MAGI1: variants seen among roughly 807,000 people sequenced by gnomAD.
The protein encoded by MAGI1 is membrane-associated guanylate kinase, WW and PDZ domain-containing protein 1.
In MAGI1, 58 loss-of-function variants were observed where a neutral mutation model predicts 139.9. The observed-to-expected ratio is 0.41, with a 90% CI of 0.34 to 0.52. MAGI1 has a LOEUF of 0.52. Among genes scored for constraint, MAGI1 ranks in the 20% least tolerant of loss-of-function variants. MAGI1 has a pLI of 0.12. For missense variants in MAGI1, 1,874 were observed against 1,901.6 expected (o/e 0.99, Z 0.27); for synonymous variants, 812 against 737.9 (o/e 1.10, Z -1.63).
At chr3:65,801,383 G>T (rs1267554636) in intron 1 of MAGI1, among the ~76,000 whole-genome samples, 1 of 152,220 alleles carries the variant, frequency 6.6e-6, no homozygotes, top group Non-Finnish European at 1.5e-5. Context: ...AGGTCTTGAA[G>T]TCAGATGCAA....
chr3:65,950,967 G>A lies in MAGI1; in HGVS notation c.313+87029C>T, dbSNP rs759805208. On this transcript the variant is annotated intron_variant, in intron 1 of 22. Transcript: ENST00000402939. ...AGTTGGTGAGAAGAAAGAGAAGGAA[G>A]GAAGGAAGGAAGGAAGGAAGGAAGG... Among the ~76,000 whole-genome samples, 8 of 5,142 alleles carry A rather than the reference G, an allele frequency of 1.6e-3. No homozygotes were observed. The East Asian group carries it at 0.2, about 129-fold the overall frequency. The allele number at this position is 5,142 out of a possible 152,430, so 3.4% of individuals were successfully genotyped here. A position where few individuals can be genotyped will look rare whatever the true frequency, so the allele number is the denominator to read the frequency against.
intron 2 of MAGI1, among the ~76,000 whole-genome samples, chr3:65,530,810 C>CACGTATAT (rs2078667074): frequency 2.2e-5 from 2 of 92,108 alleles, no homozygotes; most frequent in East Asian, 6.3e-4. Context: ...TATATACACA[C>CACGTATAT]ATATATATAC....
chr3:65,983,025 T>C (rs2065669966), intron 1 of MAGI1, among the ~76,000 whole-genome samples: 1 of 152,188 alleles, frequency 6.6e-6, no homozygotes, highest in Non-Finnish European at 1.5e-5. Context: ...GCTCAAGGGA[T>C]CCTTCTGCAG....
At chr3:65,480,571 TA>T (rs1951213318) in intron 3 of MAGI1, among the ~76,000 whole-genome samples, 1 of 145,816 alleles carries the variant, frequency 6.9e-6, no homozygotes, top group African/African-American at 2.5e-5. Context: ...GCTTTATTCT[TA>T]TAAATAAGGT....
intron 1 of MAGI1, among the ~76,000 whole-genome samples, chr3:65,871,010 T>A (rs1213639242): frequency 6.6e-6 from 1 of 152,026 alleles, no homozygotes; most frequent in Non-Finnish European, 1.5e-5. Flanking sequence ...GCGATCACAG[T>A]TCACTGCAAC....
intron 1 of MAGI1, among the ~76,000 whole-genome samples, chr3:65,958,091 G>A (rs2064226984): frequency 6.6e-6 from 1 of 152,064 alleles, no homozygotes; most frequent in Non-Finnish European, 1.5e-5. Flanking sequence ...AACCCATATG[G>A]ACTGACTTTG....
chr3:65,989,242 T>C (rs114521710), intron 1 of MAGI1, among the ~76,000 whole-genome samples: 2 of 152,248 alleles, frequency 1.3e-5, no homozygotes, highest in Admixed American at 6.5e-5. Context: ...TTCAAACAGG[T>C]AGAGAGTGAA....
intron 17 of MAGI1, among the ~76,000 whole-genome samples, chr3:65,376,286 G>A (rs2888203): frequency 0.035 from 5,376 of 152,218 alleles, 548 homozygotes; most frequent in East Asian, 0.31. Flanking sequence ...CTGGCTGTTC[G>A]CTTATTTTGG....
intron 1 of MAGI1, among the ~76,000 whole-genome samples, chr3:65,710,563 C>A (rs2031249159): frequency 6.6e-6 from 1 of 152,122 alleles, no homozygotes; most frequent in Non-Finnish European, 1.5e-5. Flanking sequence ...AGGCGTGAGC[C>A]ACCGTGCCCA....
rs1940172187 is a variant in MAGI1 at position 65,355,879 on chromosome 3, C to A, written c.*499G>T. On this transcript the variant is annotated 3_prime_UTR_variant, in exon 23 of 23. Transcript: ENST00000402939. ...AACCTAATCCATCCCCAAGGGTCCT[C>A]AGCTTTTACAAATAAAACTTTGCAT... 6.5e-6 allele frequency: 1 copy of A among 152,790 alleles called. No individual in the cohort carries two copies. Among genetic ancestry groups the A allele is most frequent in the African/African-American group, 2.4e-5 (1 of 41,456 alleles). The allele number at this position is 152,790 out of a possible 1,614,324, so 9.5% of individuals were successfully genotyped here.
At chr3:65,376,668 T>A (rs1298908300) in intron 17 of MAGI1, among the ~76,000 whole-genome samples, 1 of 152,220 alleles carries the variant, frequency 6.6e-6, no homozygotes, top group Non-Finnish European at 1.5e-5. Flanking sequence ...GACTGGTTCA[T>A]TAGCTCTGAA....
At chr3:65,982,643 T>C (rs562576440) in intron 1 of MAGI1, among the ~76,000 whole-genome samples, 113 of 152,320 alleles carry the variant, frequency 7.4e-4, no homozygotes, top group African/African-American at 2.3e-3. Flanking sequence ...AAATATTAAT[T>C]ATCAGTGTCT....
intron 1 of MAGI1, among the ~76,000 whole-genome samples, chr3:65,864,221 A>G (rs924022): frequency 0.18 from 26,866 of 152,072 alleles, 2,854 homozygotes; most frequent in East Asian, 0.33. Flanking sequence ...AGACATAGAG[A>G]AACGTATAAA....
At chr3:65,636,624 T>C (rs559641966) in intron 1 of MAGI1, among the ~76,000 whole-genome samples, 3 of 152,264 alleles carry the variant, frequency 2.0e-5, no homozygotes, top group Non-Finnish European at 2.9e-5. Context: ...ATGATCATTT[T>C]TTTCTTGACT....
chr3:65,684,001 CAAA>C (rs1235259524), intron 1 of MAGI1, among the ~76,000 whole-genome samples: 1 of 86,780 alleles, frequency 1.2e-5, no homozygotes. Flanking sequence ...CCCATGTCTA[CAAA>C]AAAAAAAAAA....
At chr3:65,792,016 T>A (rs1189662337) in intron 1 of MAGI1, among the ~76,000 whole-genome samples, 1 of 151,984 alleles carries the variant, frequency 6.6e-6, no homozygotes, top group African/African-American at 2.4e-5. Flanking sequence ...TACCCAAGTC[T>A]ACGTATTTTT....
intron 1 of MAGI1, among the ~76,000 whole-genome samples, chr3:65,980,336 A>G (rs952836506): frequency 6.6e-6 from 1 of 152,116 alleles, no homozygotes; most frequent in Non-Finnish European, 1.5e-5. Flanking sequence ...GCCAAGGTGA[A>G]CAGATTACCT....
chr3:65,791,323 A>T (rs915537198), intron 1 of MAGI1, among the ~76,000 whole-genome samples: 2 of 152,232 alleles, frequency 1.3e-5, no homozygotes, highest in African/African-American at 2.4e-5. Flanking sequence ...AGGTACAGTC[A>T]GCCCTTCGTA....
At chr3:65,570,461 C>T (rs1329795961) in intron 2 of MAGI1, among the ~76,000 whole-genome samples, 4 of 150,370 alleles carry the variant, frequency 2.7e-5, no homozygotes, top group Non-Finnish European at 4.4e-5. Flanking sequence ...AAAAATATAA[C>T]AATGAAGAAA....
Sources: gnomAD v4.1 joint callset for allele counts (sites outside exome capture counted in the v4.1 genomes callset) on GRCh38, gnomAD v4.1.1 for gene constraint, MANE v1.5 for transcripts, NCBI Gene and HGNC (gene_info 2026-07-23, HGNC 2026-07-21) for gene names.